NCKAP5: variants seen among roughly 807,000 people sequenced by gnomAD.
The protein encoded by NCKAP5 is nck-associated protein 5.
A neutral mutation model predicts 167.0 loss-of-function variants in NCKAP5; 92 were observed. That is an observed-to-expected ratio of 0.55 (90% CI 0.47 to 0.66). The LOEUF is 0.66. Ranked by LOEUF, NCKAP5 falls within the 30% of genes least tolerant of loss-of-function variation. NCKAP5 has a pLI of 0.00. For synonymous variants in NCKAP5, 891 were observed against 877.4 expected, an observed-to-expected ratio of 1.02 and a Z score of -0.27; for missense variants, 2,378 against 2,315.0, an observed-to-expected ratio of 1.03 and a Z score of -0.56.
At chr2:133,190,548 C>T (rs1206981899) in intron 5 of NCKAP5, among the ~76,000 whole-genome samples, 2 of 152,192 alleles carry the variant, frequency 1.3e-5, no homozygotes, top group Non-Finnish European at 2.9e-5. Flanking sequence ...ACCAAAACAG[C>T]ATGGTACTGG....
At chr2:133,603,191 G>A in the NCKAP5 span, among the ~76,000 whole-genome samples, 3 of 151,622 alleles carry the variant, frequency 2.0e-5, no homozygotes, top group Admixed American at 6.6e-5. Context: ...CAGAGCAGTG[G>A]CCCTGATGGC....
At chr2:132,794,728 T>C (rs1158914526) in intron 12 of NCKAP5, among the ~76,000 whole-genome samples, 2 of 151,652 alleles carry the variant, frequency 1.3e-5, no homozygotes, top group African/African-American at 4.8e-5. Flanking sequence ...AGTTAGTTCA[T>C]GGTCTCCCTA....
intron 6 of NCKAP5, among the ~76,000 whole-genome samples, chr2:133,033,556 A>C (rs2078948946): frequency 6.6e-6 from 1 of 152,238 alleles, no homozygotes; most frequent in Admixed American, 6.5e-5. Flanking sequence ...GAGAGATGCG[A>C]TCTTTCAGAC....
intron 4 of NCKAP5, among the ~76,000 whole-genome samples, chr2:133,278,613 C>T (rs1297801642): frequency 6.6e-6 from 1 of 152,030 alleles, no homozygotes; most frequent in Non-Finnish European, 1.5e-5. Flanking sequence ...TCTAAGCATT[C>T]TGATATGTAT....
In NCKAP5 at chr2:132,900,230, T is replaced by C. The variant is rs568691973; in HGVS notation, c.580-21314A>G. Among the ~76,000 whole-genome samples, 6 of 152,270 alleles carry C rather than the reference T, an allele frequency of 3.9e-5. No homozygotes were observed. In the East Asian group the frequency reaches 1.2e-3, roughly 29 times the overall value. ...TTAAAATCTTGTGAGATTATAAAAATGTGAAAAGGAGACACAAAGTGAGCA... is the reference window on the plus strand; with the variant it reads ...TTAAAATCTTGTGAGATTATAAAAACGTGAAAAGGAGACACAAAGTGAGCA... On this transcript the variant is annotated intron_variant, in intron 8 of 19. Coordinates refer to ENST00000409261, the MANE Select transcript of NCKAP5 (RefSeq NM_207363.3).
intron 17 of NCKAP5, among the ~76,000 whole-genome samples, chr2:132,730,665 G>A (rs999102769): frequency 3.3e-5 from 5 of 152,294 alleles, no homozygotes; most frequent in East Asian, 1.9e-4. Context: ...TACAGCAGCC[G>A]CCGCTGAATT....
intron 3 of NCKAP5, among the ~76,000 whole-genome samples, chr2:133,303,908 T>A (rs1335007045): frequency 2.0e-5 from 3 of 152,156 alleles, no homozygotes; most frequent in Non-Finnish European, 4.4e-5. Context: ...CTGGAGCAAA[T>A]ACAACCTATA....
chr2:133,583,509 G>C, the NCKAP5 span, among the ~76,000 whole-genome samples: 2 of 152,102 alleles, frequency 1.3e-5, no homozygotes, highest in South Asian at 4.1e-4. Flanking sequence ...CCAATTAAAC[G>C]TCTTTTCTTT....
chr2:133,242,249 C>CTTTTTTTTTTTTTTTT (rs764246319), intron 4 of NCKAP5, among the ~76,000 whole-genome samples: 1 of 140,218 alleles, frequency 7.1e-6, no homozygotes. Flanking sequence ...TTTTTCTTTT[C>CTTTTTTTTTTTTTTTT]TTTTCTTTTC....
rs550239820 is a variant in NCKAP5, at chr2:132,962,773, A to C, written c.579+947T>G. Among the ~76,000 whole-genome samples the C allele has an allele frequency of 2.0e-5, 3 of 152,168 alleles. No individual in the cohort carries two copies. In the South Asian group the frequency reaches 6.2e-4, roughly 32 times the overall value. ...GCCTGGCTAATTTTTTTGTATTTTT[A>C]GTAGAGACGGGGTTTCACCTTGTTA... On this transcript the variant is annotated intron_variant, in intron 8 of 19. Transcript: ENST00000409261.
rs1003641237 is a variant in NCKAP5 at position 132,892,762 on chromosome 2, A to G, written c.580-13846T>C. ...AGATGAAGAAAATAAGAGACTATCA[A>G]TATAAATCCTTTGTGTTGCAGAGAT... On this transcript the variant is annotated intron_variant, in intron 8 of 19. Coordinates refer to ENST00000409261, the MANE Select transcript of NCKAP5 (RefSeq NM_207363.3). Among the ~76,000 whole-genome samples, 61 of 152,216 alleles carry G rather than the reference A, an allele frequency of 4.0e-4. 2 individuals are homozygous for G.
chr2:132,906,840 T>C (rs1694044158), intron 8 of NCKAP5, among the ~76,000 whole-genome samples: 1 of 152,230 alleles, frequency 6.6e-6, no homozygotes, highest in Non-Finnish European at 1.5e-5. Context: ...TTGATGGTCA[T>C]GGACCTCAGG....
intron 6 of NCKAP5, among the ~76,000 whole-genome samples, chr2:133,078,384 G>A (rs1312949025): frequency 1.3e-5 from 2 of 152,154 alleles, no homozygotes; most frequent in Non-Finnish European, 2.9e-5. Context: ...TACACTGCTG[G>A]GAAGTGGGGG....
chr2:132,889,662 A>G (rs1325802128), intron 8 of NCKAP5, among the ~76,000 whole-genome samples: 1 of 152,232 alleles, frequency 6.6e-6, no homozygotes. Context: ...AAATAAAAAT[A>G]ACACAGTTTT....
intron 6 of NCKAP5, among the ~76,000 whole-genome samples, 174 bp downstream of exon 6, chr2:133,129,804 G>A (rs930819266): frequency 2.6e-5 from 4 of 152,212 alleles, no homozygotes; most frequent in African/African-American, 9.6e-5. Flanking sequence ...GAAAGTTTCA[G>A]AAAATTGGTC....
chr2:132,741,960 C>CA (rs1333366728), intron 16 of NCKAP5, among the ~76,000 whole-genome samples: 2 of 152,126 alleles, frequency 1.3e-5, no homozygotes, highest in Non-Finnish European at 2.9e-5. Flanking sequence ...GCTCTTTACG[C>CA]ATTCTCCTTT....
At chr2:132,934,784 A>G (rs1317131036) in intron 8 of NCKAP5, among the ~76,000 whole-genome samples, 1 of 152,204 alleles carries the variant, frequency 6.6e-6, no homozygotes, top group East Asian at 1.9e-4. Flanking sequence ...AATGTTACCT[A>G]ATGTGATGTG....
chr2:133,308,686 A>ATT (rs1559371090), intron 3 of NCKAP5, among the ~76,000 whole-genome samples: 28 of 118,806 alleles, frequency 2.4e-4, no homozygotes, highest in African/African-American at 8.7e-4. Flanking sequence ...AAGAAATACA[A>ATT]TTCTTTTTTT....
chr2:132,932,791 A>G (rs1041772201), intron 8 of NCKAP5, among the ~76,000 whole-genome samples: 2 of 151,892 alleles, frequency 1.3e-5, no homozygotes, highest in African/African-American at 4.8e-5. Flanking sequence ...GGAAGTTACC[A>G]AAATTCATTC....
Sources: allele counts gnomAD v4.1 joint callset (sites outside exome capture counted in the v4.1 genomes callset), GRCh38; gene constraint gnomAD v4.1.1; transcripts MANE v1.5; gene names NCBI Gene and HGNC (gene_info 2026-07-23, HGNC 2026-07-21).